SPAG9: variants seen among roughly 807,000 people sequenced by gnomAD.
The protein encoded by SPAG9 is sperm associated antigen 9.
A neutral mutation model predicts 166.5 loss-of-function variants in SPAG9; 35 were observed. The observed-to-expected ratio is 0.21, with a 90% CI of 0.16 to 0.28. SPAG9 has a LOEUF of 0.28. SPAG9 is among the 10% of genes least tolerant of loss of function. The pLI is 1.00. For missense variants in SPAG9, 1,235 were observed against 1,603.3 expected (o/e 0.77, Z 3.92); for synonymous variants, 534 against 565.5 (o/e 0.94, Z 0.79).
At chr17:51,072,422 C>T (rs906460343) in intron 2 of SPAG9, among the ~76,000 whole-genome samples, 1 of 150,312 alleles carries the variant, frequency 6.7e-6, no homozygotes, top group South Asian at 2.1e-4. Context: ...GTGGTTCATG[C>T]CTGTAATCCC....
intron 1 of SPAG9, among the ~76,000 whole-genome samples, chr17:51,080,899 A>AT (rs2048145740): frequency 1.3e-5 from 2 of 150,928 alleles, no homozygotes; most frequent in African/African-American, 2.4e-5. Context: ...AAAAAAAAAA[A>AT]AAAAAAAAAA....
chr17:51,118,953 G>C (rs2049382460), intron 1 of SPAG9, among the ~76,000 whole-genome samples: 1 of 145,444 alleles, frequency 6.9e-6, no homozygotes, highest in Admixed American at 7.4e-5. Context: ...AGAATCGCTT[G>C]AACCCGGCAG....
chr17:51,116,405 A>C (rs2144802928), intron 1 of SPAG9, among the ~76,000 whole-genome samples: 1 of 151,782 alleles, frequency 6.6e-6, no homozygotes, highest in East Asian at 1.9e-4. Context: ...TTGCAGAAAA[A>C]CCCTAACATA....
intron 26 of SPAG9, 43 bp from the exon 27 acceptor site, chr17:50,977,264 G>C: frequency 8.1e-7 from 1 of 1,236,710 alleles, no homozygotes; most frequent in Non-Finnish European, 1.2e-6. Flanking sequence ...AACTAAAGCA[G>C]ACAGTGTTTT....
Position 51,006,179 on chromosome 17 carries a change from C to T in SPAG9, c.1330G>A (p.Glu444Lys). ...AATTCCCCTTGCAGCACATCTTTCT[C>T]ACAGGTCAGTTCATCCACTTTTGCT... Reference protein sequence around the residue: ...LIAKVDELTCEKDVLQGELEA... With the variant: ...LIAKVDELTCKKDVLQGELEA... The change falls in exon 11 of 30, where the codon GAG becomes AAG. Residue 444 changes from glutamate (E) to lysine (K), a missense_variant. Around this residue, in one of 6 missense-constraint regions of SPAG9, gnomAD observed 125 missense variants for 194.0 expected, o/e 0.64. Coordinates refer to ENST00000262013, the MANE Select transcript of SPAG9 (RefSeq NM_001130528.3). 6.2e-7 allele frequency: 1 copy of T among 1,614,236 alleles called. No homozygotes were observed. Among genetic ancestry groups the T allele is most frequent in the Non-Finnish European group, 8.5e-7 (1 of 1,180,016 alleles).
At chr17:51,117,468 T>C (rs937230603) in intron 1 of SPAG9, among the ~76,000 whole-genome samples, 2 of 151,934 alleles carry the variant, frequency 1.3e-5, no homozygotes, top group African/African-American at 2.4e-5. Flanking sequence ...TCCCAGCACT[T>C]TGGGAGGCTG....
intron 26 of SPAG9, among the ~76,000 whole-genome samples, chr17:50,978,321 T>C (rs1360011452): frequency 6.6e-6 from 1 of 152,200 alleles, no homozygotes; most frequent in African/African-American, 2.4e-5. Flanking sequence ...AATTAGTTTG[T>C]GTTTGCATGT....
intron 1 of SPAG9, 25 bp from the exon 2 acceptor site, chr17:51,079,729 T>G (rs755473192): frequency 7.0e-7 from 1 of 1,437,202 alleles, no homozygotes; most frequent in Admixed American, 1.9e-5. Flanking sequence ...CAATATAAAT[T>G]TAATCAGAGA....
intron 6 of SPAG9, among the ~76,000 whole-genome samples, chr17:51,029,952 G>A (rs2046325677): frequency 6.6e-6 from 1 of 152,148 alleles, no homozygotes; most frequent in South Asian, 2.1e-4. Context: ...GACCACATCA[G>A]AGGTCATAAG....
At chr17:51,081,679 T>C (rs976389213) in intron 1 of SPAG9, among the ~76,000 whole-genome samples, 1 of 151,840 alleles carries the variant, frequency 6.6e-6, no homozygotes, top group African/African-American at 2.4e-5. Context: ...GAGGCAGAGG[T>C]TGCGGTGAGC....
intron 2 of SPAG9, among the ~76,000 whole-genome samples, chr17:51,062,400 C>A (rs2047542596): frequency 6.6e-6 from 1 of 152,124 alleles, no homozygotes; most frequent in African/African-American, 2.4e-5. Context: ...AAGTTCACTG[C>A]CTTAAAAATC....
At chr17:51,009,514 C>T (rs983094989) in intron 9 of SPAG9, among the ~76,000 whole-genome samples, 1 of 152,216 alleles carries the variant, frequency 6.6e-6, no homozygotes, top group Non-Finnish European at 1.5e-5. Context: ...TTGGCTTGCA[C>T]GTCTTTGGGT....
At chr17:51,045,385 C>G (rs931742142) in intron 4 of SPAG9, among the ~76,000 whole-genome samples, 1 of 152,010 alleles carries the variant, frequency 6.6e-6, no homozygotes, top group African/African-American at 2.4e-5. Context: ...AATATATATA[C>G]AAGTAGTAAG....
intron 12 of SPAG9, among the ~76,000 whole-genome samples, chr17:51,002,540 T>C (rs1000840474): frequency 2.0e-5 from 3 of 152,182 alleles, no homozygotes; most frequent in African/African-American, 4.8e-5. Flanking sequence ...CGCGGCACTT[T>C]GGGAGTCTGA....
chr17:51,112,410 C>T (rs1321192061), intron 1 of SPAG9, among the ~76,000 whole-genome samples: 2 of 150,000 alleles, frequency 1.3e-5, no homozygotes, highest in East Asian at 3.9e-4. Flanking sequence ...CAGTGGCTCA[C>T]ACCTGTAATC....
chr17:51,096,056 T>G (rs955290517), intron 1 of SPAG9, among the ~76,000 whole-genome samples: 1 of 141,388 alleles, frequency 7.1e-6, no homozygotes, highest in Non-Finnish European at 1.5e-5. Context: ...TATATAGTGA[T>G]ATATATATAT....
chr17:51,120,307 G>T lies in SPAG9; in HGVS notation c.303+47C>A. ...ACCGGGCCGCGACCCCGCCCCGGCC[G>T]CCCCCGGAGACGGATCCCGCGGCCC... On this transcript the variant is annotated intron_variant, in intron 1 of 29. Coordinates refer to ENST00000262013, the MANE Select transcript of SPAG9 (RefSeq NM_001130528.3). This position sits in a 1 kb window ranked among gnomAD's most constrained non-coding sequence, Gnocchi z 4.7. 2.2e-6 allele frequency: 3 copies of T among 1,357,528 alleles called. No homozygotes were observed. Among genetic ancestry groups the T allele is most frequent in the Non-Finnish European group, 2.9e-6 (3 of 1,025,356 alleles). The allele number at this position is 1,357,528 out of a possible 1,614,324, so 84.1% of individuals were successfully genotyped here. A position where few individuals can be genotyped will look rare whatever the true frequency, so the allele number is the denominator to read the frequency against.
At chr17:51,093,694 CAAAAAAAAA>C (rs57010523) in intron 1 of SPAG9, among the ~76,000 whole-genome samples, 3 of 72,558 alleles carry the variant, frequency 4.1e-5, no homozygotes, top group African/African-American at 1.1e-4. Context: ...GACTCCGTCT[CAAAAAAAAA>C]AAAAAAAAAA....
intron 2 of SPAG9, among the ~76,000 whole-genome samples, chr17:51,065,329 A>G (rs1474474703): frequency 6.6e-6 from 1 of 152,166 alleles, no homozygotes; most frequent in East Asian, 1.9e-4. Flanking sequence ...CACCAGGCCC[A>G]GCCTGGATTT....
Sources: allele counts gnomAD v4.1 joint callset (sites outside exome capture counted in the v4.1 genomes callset), GRCh38; gene constraint gnomAD v4.1.1; regional missense constraint gnomAD v4.1.1; non-coding constraint Gnocchi (gnomAD v3.1); transcripts MANE v1.5; gene names NCBI Gene and HGNC (gene_info 2026-07-23, HGNC 2026-07-21).